Variants in C18orf63 observed in about 807,000 individuals in gnomAD.
C18orf63 encodes chromosome 18 open reading frame 63, also known as uncharacterized protein C18orf63.
In C18orf63, 50 loss-of-function variants were observed where a neutral mutation model predicts 75.3. The observed-to-expected ratio is 0.66, with a 90% CI of 0.53 to 0.84. C18orf63 has a LOEUF of 0.84. Among genes scored for constraint, C18orf63 ranks in the 40% least tolerant of loss-of-function variants. The pLI, the probability that C18orf63 is intolerant of heterozygous loss-of-function variation, is 0.00. For missense variants in C18orf63, 732 were observed against 800.2 expected (o/e 0.91, Z 1.03); for synonymous variants, 232 against 267.6 (o/e 0.87, Z 1.30).
intron 8 of C18orf63, among the ~76,000 whole-genome samples, chr18:74,340,121 C>T (rs983249154): frequency 3.3e-5 from 5 of 151,462 alleles, no homozygotes; most frequent in African/African-American, 1.2e-4. Context: ...TAAAGAGCTA[C>T]TATCCAAAGT....
intron 11 of C18orf63, 113 bp from the exon 12 acceptor site, chr18:74,353,132 TA>T: frequency 1.3e-6 from 1 of 748,148 alleles, no homozygotes; most frequent in Admixed American, 3.0e-5. Context: ...ACCTGTTCTG[TA>T]AATCATAGTG....
At chr18:74,326,075 T>C (rs1984202568) in intron 4 of C18orf63, among the ~76,000 whole-genome samples, 1 of 152,196 alleles carries the variant, frequency 6.6e-6, no homozygotes, top group African/African-American at 2.4e-5. Context: ...CCTGGTGGTT[T>C]ATGGGATTTG....
At chr18:74,328,643 T>C (rs1309056866) in intron 5 of C18orf63, among the ~76,000 whole-genome samples, 1 of 152,202 alleles carries the variant, frequency 6.6e-6, no homozygotes, top group Non-Finnish European at 1.5e-5. Flanking sequence ...ATGTAATACT[T>C]GATACTTAGG....
rs1984699370 is a variant in C18orf63 at position 74,353,268 on chromosome 18, A to G, written c.1001A>G (p.Asn334Ser). The G allele has an allele frequency of 7.8e-6, 12 of 1,535,686 alleles. No homozygotes were observed. Among genetic ancestry groups the G allele is most frequent in the Non-Finnish European group, 1.0e-5 (12 of 1,146,444 alleles). The stretch of plus-strand genomic sequence containing the variant: ...CAGGAACACAAAGTCAAGCCACCCA[A>G]TTTGACCACTAAAAAAATGCTTAGG... ...NIQEHKVKPP[N>S]LTTKKMLRAS... is the part of the protein sequence containing the mutation. Residue 334 changes from asparagine (N) to serine (S), a missense_variant, in exon 12 of 14, where the codon AAT (asparagine) becomes AGT (serine). By Grantham distance (46) the Asn-to-Ser change is conservative. Around this residue, in one of 3 missense-constraint regions of C18orf63, gnomAD observed 495 missense variants for 508.7 expected, o/e 0.97. Coordinates refer to ENST00000579455, the MANE Select transcript of C18orf63 (RefSeq NM_001174123.2).
At chr18:74,335,748 G>A (rs1984381290) in intron 7 of C18orf63, among the ~76,000 whole-genome samples, 1 of 152,102 alleles carries the variant, frequency 6.6e-6, no homozygotes. Flanking sequence ...GCCAAGTGCT[G>A]ATGGAAAACA....
intron 8 of C18orf63, among the ~76,000 whole-genome samples, chr18:74,341,708 A>T (rs1984490490): frequency 6.6e-6 from 1 of 151,858 alleles, no homozygotes; most frequent in Non-Finnish European, 1.5e-5. Flanking sequence ...AATAGCACTA[A>T]GAGTACATTT....
intron 7 of C18orf63, among the ~76,000 whole-genome samples, chr18:74,337,733 TAGC>T (rs1047532981): frequency 6.6e-6 from 1 of 152,148 alleles, no homozygotes; most frequent in Non-Finnish European, 1.5e-5. Flanking sequence ...ACAACGTAAC[TAGC>T]ATATCTTATC....
Position 74,330,875 on chromosome 18 carries a change from T to C in C18orf63, c.434T>C (p.Ile145Thr). 1 of 1,378,416 alleles carries C rather than the reference T, an allele frequency of 7.3e-7. No individual in the cohort carries two copies. The highest frequency in any genetic ancestry group is 9.8e-7 in the Non-Finnish European group (1 of 1,022,580). The allele number at this position is 1,378,416 out of a possible 1,614,324, so 85.4% of individuals were successfully genotyped here. The change falls in exon 7 of 14, where the codon ATC (isoleucine) becomes ACC (threonine). Residue 145 changes from isoleucine (I) to threonine (T), a missense_variant. By Grantham distance (89) the Ile-to-Thr change is moderately conservative. This residue lies in a region of C18orf63 where 233 missense variants were observed against 272.7 expected (regional missense o/e 0.85). Coordinates refer to ENST00000579455, the MANE Select transcript of C18orf63 (RefSeq NM_001174123.2). ...AATATTTTATTTTCAGTATTAAACA[T>C]CAATGTAACAGAAACTCAAGTTTGT... ...MGKQSAVVLN[I>T]NVTETQVCLS...
At position 74,354,467 on chromosome 18, in the gene C18orf63, C is replaced by A; in HGVS notation, c.2012C>A (p.Ser671Ter). 1 of 1,474,312 alleles carries A rather than the reference C, an allele frequency of 6.8e-7. No homozygotes were observed. The highest frequency in any genetic ancestry group is 9.1e-7 in the Non-Finnish European group (1 of 1,093,416). The allele number at this position is 1,474,312 out of a possible 1,614,324, so 91.3% of individuals were successfully genotyped here. The part of the protein sequence containing the change: ...SSSSKKQILD[S>*]DKSKLKKSLI... The stretch of plus-strand genomic sequence containing the variant: ...TTCAATCTAATACAGATACTTGACT[C>A]GGATAAATCAAAACTTAAGAAATCT... Residue 671 changes from serine to a stop codon, truncating the protein, a stop_gained, in exon 13 of 14, where the codon TCG (serine) becomes TAG (stop). Coordinates refer to ENST00000579455, the MANE Select transcript of C18orf63 (RefSeq NM_001174123.2). LOFTEE classifies it high-confidence loss of function.
chr18:74,329,045 A>C lies in C18orf63; in HGVS notation c.424+9A>C, dbSNP rs1156745869. On this transcript the variant is annotated intron_variant, in intron 6 of 13. Coordinates refer to ENST00000579455, the MANE Select transcript of C18orf63 (RefSeq NM_001174123.2). ...AAAACAAAGTGCTGTTGGTAAGTAA[A>C]AATGCATAAGTCAATAGATAAAACA... The C allele has an allele frequency of 2.7e-6, 4 of 1,473,802 alleles. No homozygotes were observed. The highest frequency in any genetic ancestry group is 2.4e-5 in the South Asian group (2 of 82,690). 91.3% of individuals were successfully genotyped at this position (1,473,802 alleles called of 1,614,324 possible).
chr18:74,346,172 T>G (rs1194639292), intron 11 of C18orf63, among the ~76,000 whole-genome samples: 2 of 152,178 alleles, frequency 1.3e-5, no homozygotes, highest in African/African-American at 4.8e-5. Context: ...TTACATGAAT[T>G]ATTTTAATAT....
At position 74,320,591 on chromosome 18, in the gene C18orf63, G is replaced by T. The variant is rs754899143; in HGVS notation, c.213G>T (p.Ala71=). 2 of 1,518,882 alleles carry T rather than the reference G, an allele frequency of 1.3e-6. No homozygotes were observed. The highest frequency in any genetic ancestry group is 8.8e-7 in the Non-Finnish European group (1 of 1,132,746). The allele number at this position is 1,518,882 out of a possible 1,614,324, so 94.1% of individuals were successfully genotyped here. ...GILNQIWVVM[A]IPFYKARKLN... ...TAAACCAAATCTGGGTGGTGATGGC[G>T]GTTAGTATTTTAATATTTTGTGAAA... Residue 71 remains alanine, a splice_region_variant and synonymous_variant, in exon 3 of 14, where the codon GCG becomes GCT. Transcript: ENST00000579455.
chr18:74,316,477 G>A (rs1599283089), intron 1 of C18orf63, among the ~76,000 whole-genome samples: 1 of 152,178 alleles, frequency 6.6e-6, no homozygotes, highest in Admixed American at 6.5e-5. Context: ...TTTTAGGAAG[G>A]GTCCCTCGTA....
At chr18:74,351,592 C>T (rs766752190) in intron 11 of C18orf63, among the ~76,000 whole-genome samples, 11 of 152,144 alleles carry the variant, frequency 7.2e-5, no homozygotes, top group Admixed American at 2.0e-4. Flanking sequence ...GAGTATCTAA[C>T]CACACAGCAT....
rs551005650 is a variant in C18orf63, at chr18:74,333,516, CCTT to C, written c.501+2579_501+2581del. Among the ~76,000 whole-genome samples, 573 of 152,292 alleles carry C rather than the reference CCTT, an allele frequency of 3.8e-3. 2 individuals are homozygous for C. The highest frequency in any genetic ancestry group is 9.3e-3 in the Admixed American group (143 of 15,304). On this transcript the variant is annotated intron_variant, in intron 7 of 13. Coordinates refer to ENST00000579455, the MANE Select transcript of C18orf63 (RefSeq NM_001174123.2). ...ATGGTGGAAGGGGAAGCAAGCATGT[CCTT>C]CTTCACAAGGTGGCAGGAGAGAAAA...
At chr18:74,355,512 G>GC (rs1252301678) in intron 13 of C18orf63, among the ~76,000 whole-genome samples, 1 of 152,044 alleles carries the variant, frequency 6.6e-6, no homozygotes, top group Non-Finnish European at 1.5e-5. Context: ...CAGGAGGGGG[G>GC]GCTTACACCT....
chr18:74,342,379 A>G, intron 10 of C18orf63, 53 bp downstream of exon 10: 1 of 1,081,554 alleles, frequency 9.2e-7, no homozygotes, highest in Non-Finnish European at 1.4e-6. Context: ...CTTATAATCT[A>G]GTTTTGCTCC....
intron 6 of C18orf63, among the ~76,000 whole-genome samples, chr18:74,329,551 G>C (rs972769022): frequency 5.9e-5 from 9 of 151,888 alleles, no homozygotes; most frequent in African/African-American, 2.2e-4. Context: ...ATCTTAATTG[G>C]AAAAAGCTAT....
At chr18:74,338,638 AC>A in intron 7 of C18orf63, 76 bp from the exon 8 acceptor site, 1 of 560,196 alleles carries the variant, frequency 1.8e-6, no homozygotes, top group Non-Finnish European at 2.9e-6. Context: ...TGTGTGTGTA[AC>A]AAATATGTAT....
Sources: allele counts gnomAD v4.1 joint callset (sites outside exome capture counted in the v4.1 genomes callset), GRCh38; gene constraint gnomAD v4.1.1; regional missense constraint gnomAD v4.1.1; transcripts MANE v1.5; gene names NCBI Gene and HGNC (gene_info 2026-07-23, HGNC 2026-07-21).